The following AGRN variants were observed in gnomAD, a reference collection of about 807,000 sequenced individuals.
The protein encoded by AGRN is agrin.
In AGRN, 106 loss-of-function variants were observed where a neutral mutation model predicts 211.0. The observed-to-expected ratio is 0.50, with a 90% CI of 0.43 to 0.59. The LOEUF (loss-of-function observed/expected upper bound fraction) is 0.59, where lower values mean the gene tolerates loss of function less well. Ranked by LOEUF, AGRN falls within the 20% of genes least tolerant of loss-of-function variation. The pLI, the probability that AGRN is intolerant of heterozygous loss-of-function variation, is 0.00. For synonymous variants in AGRN, 1,525 were observed against 1,332.5 expected (o/e 1.14, Z -3.15); for missense variants, 3,040 against 2,982.6 (o/e 1.02, Z -0.45).
chr1:1,028,334 C>CGCCCCGCA (rs1644567129), intron 2 of AGRN, among the ~76,000 whole-genome samples: 1 of 145,088 alleles, frequency 6.9e-6, no homozygotes, highest in Non-Finnish European at 1.5e-5. Flanking sequence ...CCCCCCCCCC[C>CGCCCCGCA]CCGCCCTGCA....
chr1:1,047,726 G>T (rs1645140759), intron 21 of AGRN, 39 bp downstream of exon 21: 1 of 1,612,540 alleles, frequency 6.2e-7, no homozygotes, highest in African/African-American at 1.3e-5. Context: ...GGAGGCAATG[G>T]GTGGGGGATG....
chr1:1,038,815 T>C (rs528519897), intron 3 of AGRN, among the ~76,000 whole-genome samples: 3 of 152,210 alleles, frequency 2.0e-5, no homozygotes, highest in African/African-American at 7.2e-5. Flanking sequence ...CCCAGGGCCT[T>C]GGACAAGGCA....
Position 1,054,433 on chromosome 1 carries a change from TC to T in AGRN, c.5877-12del. The T allele has an allele frequency of 6.4e-7, 1 of 1,565,936 alleles. No individual in the cohort carries two copies. The highest frequency in any genetic ancestry group is 8.7e-7 in the Non-Finnish European group (1 of 1,154,698). ...ACTCTGGGCCCTGATGGTCTCCCCC[TC>T]CCTGCACACCCAGGGAGCAGAGGGA... is the stretch of plus-strand genomic sequence containing the variant. On this transcript the variant is annotated splice_polypyrimidine_tract_variant and intron_variant, in intron 34 of 35. Coordinates refer to ENST00000379370, the MANE Select transcript of AGRN (RefSeq NM_198576.4).
At chr1:1,037,964 C>A (rs1350838093) in intron 3 of AGRN, among the ~76,000 whole-genome samples, 2 of 152,178 alleles carry the variant, frequency 1.3e-5, no homozygotes, top group South Asian at 4.1e-4. Context: ...GGAGACTCAG[C>A]ACAGTGGTGG....
At chr1:1,043,778 C>T (rs1339742235) in intron 9 of AGRN, 45 bp from the exon 10 acceptor site, 1 of 1,605,884 alleles carries the variant, frequency 6.2e-7, no homozygotes, top group Admixed American at 1.7e-5. Context: ...CTGTGCCTCC[C>T]TCAGCCTGGG....
intron 3 of AGRN, among the ~76,000 whole-genome samples, chr1:1,038,792 T>C (rs950282914): frequency 1.4e-4 from 22 of 152,168 alleles, no homozygotes; most frequent in African/African-American, 5.3e-4. Flanking sequence ...CCCGTTGGAT[T>C]TGGACTGGGA....
Position 1,044,148 on chromosome 1 carries a change from G to A in AGRN, c.2039G>A (p.Gly680Asp), listed in dbSNP as rs907129983. 2 of 1,613,298 alleles carry A rather than the reference G, an allele frequency of 1.2e-6. No homozygotes were observed. The highest frequency in any genetic ancestry group is 1.7e-6 in the Non-Finnish European group (2 of 1,179,942). Reference sequence around the variant, plus strand: ...GGAGGCTCTGGCTCTGGGGAGGACGGTGACTGTGAGCAGGAGCTGTGCCGG... The same window carrying A: ...GGAGGCTCTGGCTCTGGGGAGGACGATGACTGTGAGCAGGAGCTGTGCCGG... The part of the protein sequence containing the change: ...GSGGSGSGED[G>D]DCEQELCRQR... Residue 680 changes from glycine (G) to aspartate (D), a missense_variant, in exon 11 of 36, where the codon GGT becomes GAT. Coordinates refer to ENST00000379370, the MANE Select transcript of AGRN (RefSeq NM_198576.4).
Position 1,040,861 on chromosome 1 carries a change from G to A in AGRN, c.708G>A (p.Leu236=), listed in dbSNP as rs755871141. ...GCAGCCAGCAGCGCCGCATCCGCCT[G>A]CTCAGCCGCGGGCCGTGCGGTGAGC... is the stretch of plus-strand genomic sequence containing the variant. ...AQCSQQRRIR[L]LSRGPCGSRD... Residue 236 remains leucine (L), a synonymous_variant, in exon 4 of 36, where the codon CTG becomes CTA. Coordinates refer to ENST00000379370, the MANE Select transcript of AGRN (RefSeq NM_198576.4). 5.2e-6 allele frequency: 8 copies of A among 1,527,752 alleles called. No homozygotes were observed. The East Asian group carries it at 2.0e-4, about 38-fold the overall frequency. The allele number at this position is 1,527,752 out of a possible 1,614,324, so 94.6% of individuals were successfully genotyped here. A position where few individuals can be genotyped will look rare whatever the true frequency, so the allele number is the denominator to read the frequency against.
intron 2 of AGRN, among the ~76,000 whole-genome samples, chr1:1,029,957 C>T (rs867665099): frequency 1.7e-4 from 7 of 41,870 alleles, no homozygotes; most frequent in African/African-American, 3.2e-4. Flanking sequence ...GTGTGTGCAG[C>T]GCATGGTGCT....
chr1:1,055,350 G>C lies in AGRN; in HGVS notation c.*369G>C. On this transcript the variant is annotated 3_prime_UTR_variant, in exon 36 of 36. Transcript: ENST00000379370. ...AGGAAGGGGCTGCTGAGGTCTGATG[G>C]GGCCCTTCCTCCGGGTGACCCCACA... 2.7e-6 allele frequency: 1 copy of C among 370,186 alleles called. No individual in the cohort carries two copies. Among genetic ancestry groups the C allele is most frequent in the Non-Finnish European group, 5.2e-6 (1 of 190,498 alleles). The allele number at this position is 370,186 out of a possible 1,614,324, so 22.9% of individuals were successfully genotyped here.
intron 2 of AGRN, among the ~76,000 whole-genome samples, chr1:1,026,287 T>A (rs1644519952): frequency 6.6e-6 from 1 of 152,130 alleles, no homozygotes; most frequent in South Asian, 2.1e-4. Context: ...TGGCACCTGC[T>A]GCAGCCTCCA....
In AGRN at chr1:1,049,699, G is replaced by T. The variant is rs778121160; in HGVS notation, c.4648G>T (p.Asp1550Tyr). ...AGGCTCTGGCGTGGGCGAGTGCGGG[G>T]ACCACCCCTGCCTGCCCAACCCCTG... Reference protein sequence around the residue: ...TRGSGVGECGDHPCLPNPCHG... With the variant: ...TRGSGVGECGYHPCLPNPCHG... The change falls in exon 26 of 36, where the codon GAC becomes TAC. Residue 1550 changes from aspartate (D) to tyrosine (Y), a missense_variant. By Grantham distance (160) the Asp-to-Tyr change is radical (BLOSUM62 -3). This residue lies in a region of AGRN where 1,537 missense variants were observed against 1,505.0 expected (regional missense o/e 1.02). Coordinates refer to ENST00000379370, the MANE Select transcript of AGRN (RefSeq NM_198576.4). 5 of 1,575,314 alleles carry T rather than the reference G, an allele frequency of 3.2e-6. No individual in the cohort carries two copies. The African/African-American group carries it at 5.4e-5, about 17-fold the overall frequency.
intron 33 of AGRN, 77 bp from the exon 34 acceptor site, chr1:1,053,676 G>C (rs1328862658): frequency 6.6e-7 from 1 of 1,513,686 alleles, no homozygotes; most frequent in Admixed American, 2.0e-5. Flanking sequence ...CGCAGCTGGG[G>C]CCCTTGTCCT....
At chr1:1,040,116 A>G (rs1644892604) in intron 3 of AGRN, among the ~76,000 whole-genome samples, 1 of 152,156 alleles carries the variant, frequency 6.6e-6, no homozygotes, top group Admixed American at 6.5e-5. Context: ...TGAGGGCCAG[A>G]CGCGGGACCT....
Position 1,031,282 on chromosome 1 carries a change from C to T in AGRN, c.464-3995C>T, listed in dbSNP as rs1017035564. ...TGCATGGTGCTGAGTGTGAGATCAG[C>T]ATGTGTGTGTATGTGTGTGCGGTGC... On this transcript the variant is annotated intron_variant, in intron 2 of 35. Coordinates refer to ENST00000379370, the MANE Select transcript of AGRN (RefSeq NM_198576.4). The surrounding 1 kb of genome is among the most constrained non-coding windows in gnomAD (Gnocchi z 4.8). Among the ~76,000 whole-genome samples, 2 of 146,636 alleles carry T rather than the reference C, an allele frequency of 1.4e-5. No individual in the cohort carries two copies. The highest frequency in any genetic ancestry group is 6.7e-5 in the Admixed American group (1 of 14,830).
chr1:1,038,161 G>A (rs1027941011), intron 3 of AGRN, among the ~76,000 whole-genome samples: 3 of 152,224 alleles, frequency 2.0e-5, no homozygotes, highest in African/African-American at 7.2e-5. Flanking sequence ...ACCATCAAAT[G>A]CTGTGAGGGA....
Position 1,049,459 on chromosome 1 carries a change from C to A in AGRN, c.4514+8C>A. ...CGAGGACCAGGCTGCCGTGTGAGTC[C>A]CTTGGAGGGTGGTGTGGCCCCGACC... On this transcript the variant is annotated splice_region_variant and intron_variant, in intron 25 of 35. Coordinates refer to ENST00000379370, the MANE Select transcript of AGRN (RefSeq NM_198576.4). The A allele has an allele frequency of 6.2e-7, 1 of 1,600,314 alleles. No homozygotes were observed. The highest frequency in any genetic ancestry group is 8.5e-7 in the Non-Finnish European group (1 of 1,179,640).
intron 2 of AGRN, among the ~76,000 whole-genome samples, chr1:1,023,628 T>C (rs773410285): frequency 1.3e-5 from 2 of 152,086 alleles, no homozygotes; most frequent in Non-Finnish European, 2.9e-5. Context: ...TTCCTGTCCC[T>C]GCAAGATCAG....
intron 1 of AGRN, among the ~76,000 whole-genome samples, chr1:1,021,101 C>T (rs909200166): frequency 6.6e-6 from 1 of 152,192 alleles, no homozygotes; most frequent in African/African-American, 2.4e-5. Context: ...CCAAAACCAT[C>T]TCCTGGGACC....
Sources: gnomAD v4.1 joint callset for allele counts (sites outside exome capture counted in the v4.1 genomes callset) on GRCh38, gnomAD v4.1.1 for gene constraint, gnomAD v4.1.1 regional missense constraint, Gnocchi (gnomAD v3.1) non-coding constraint, MANE v1.5 for transcripts, NCBI Gene and HGNC (gene_info 2026-07-23, HGNC 2026-07-21) for gene names.